Variants in MEX3D observed in about 807,000 individuals in gnomAD.
MEX3D encodes the protein RNA-binding protein MEX3D.
MEX3D carries 4 observed loss-of-function variants against 6.3 expected under a neutral mutation model. That is an observed-to-expected ratio of 0.64 (90% confidence interval 0.31 to 1.46). The LOEUF is 1.46. Among genes scored for constraint, MEX3D ranks in the 40% most tolerant of loss-of-function variants. MEX3D has a pLI of 0.07. For missense variants in MEX3D, 1,038 were observed against 994.4 expected, an observed-to-expected ratio of 1.04 and a Z score of -0.59; for synonymous variants, 626 against 494.1, an observed-to-expected ratio of 1.27 and a Z score of -3.54.
chr19:1,556,141 G>A lies in MEX3D; in HGVS notation c.1378C>T (p.Leu460=), dbSNP rs1568263839. Residue 460 remains leucine, a synonymous_variant, in exon 2 of 2, where the codon CTG becomes TTG. Transcript: ENST00000402693. This position sits in a 1 kb window ranked among gnomAD's most constrained non-coding sequence, Gnocchi z 7.5. The stretch of plus-strand genomic sequence containing the variant: ...GCGGGCACGGTCAGGTCCAGCGCCA[G>A]GAAGTCGAAGTCGAAGCCGAAGTCG... ...DCDFGFDFDF[L]ALDLTVPAAA... is the part of the protein sequence containing the mutation. The A allele has an allele frequency of 4.1e-6, 6 of 1,475,124 alleles. No homozygotes were observed. Among genetic ancestry groups the A allele is most frequent in the African/African-American group, 1.5e-5 (1 of 67,556 alleles). The allele number at this position is 1,475,124 out of a possible 1,614,324, so 91.4% of individuals were successfully genotyped here.
rs1156801048 is a variant in MEX3D, at chr19:1,564,354, G to A, written c.595+3110C>T. On this transcript the variant is annotated intron_variant, in intron 1 of 1. Transcript: ENST00000402693. ...GTGAGACCAGCCTGGCCAACATGGC[G>A]AAACCCCGTCTCTACTGAAAATACA... Among the ~76,000 whole-genome samples, 5 of 150,984 alleles carry A rather than the reference G, an allele frequency of 3.3e-5. No individual in the cohort carries two copies. In the East Asian group the frequency reaches 6.0e-4, roughly 18 times the overall value.
rs764095002 is a variant in MEX3D, at chr19:1,555,653, C to T, written c.1866G>A (p.Met622Ile). Reference protein sequence around the residue: ...LVPCGHNLFCMDCAVRICGKS... With the variant: ...LVPCGHNLFCIDCAVRICGKS... ...TGCCGCAGATGCGGACGGCGCAGTC[C>T]ATGCAGAAGAGGTTGTGGCCGCAGG... The change falls in exon 2 of 2, where the codon ATG becomes ATA. Residue 622 changes from methionine (M) to isoleucine (I), a missense_variant. Transcript: ENST00000402693. 12 of 1,587,220 alleles carry T rather than the reference C, an allele frequency of 7.6e-6. No homozygotes were observed. The East Asian group carries it at 2.5e-4, about 34-fold the overall frequency.
rs1333723400 is a variant in MEX3D, at chr19:1,554,771, T to A, written c.*792A>T. The A allele has an allele frequency of 6.6e-6, 1 of 152,430 alleles. No individual in the cohort carries two copies. Among genetic ancestry groups the A allele is most frequent in the African/African-American group, 2.4e-5 (1 of 41,446 alleles). 9.4% of individuals were successfully genotyped at this position (152,430 alleles called of 1,614,324 possible). A position where few individuals can be genotyped will look rare whatever the true frequency, so the allele number is the denominator to read the frequency against. On this transcript the variant is annotated 3_prime_UTR_variant, in exon 2 of 2. Transcript: ENST00000402693. Reference sequence around the variant, plus strand: ...CCCTTAAATCAGCTCAGCAAATATATAATCAGTAATTTAGCTGTGTAAGAT... The same window carrying A: ...CCCTTAAATCAGCTCAGCAAATATAAAATCAGTAATTTAGCTGTGTAAGAT...
rs1050760205 is a variant in MEX3D at position 1,554,859 on chromosome 19, G to C, written c.*704C>G. The C allele has an allele frequency of 6.9e-6, 1 of 145,946 alleles. No individual in the cohort carries two copies. The highest frequency in any genetic ancestry group is 1.5e-5 in the Non-Finnish European group (1 of 67,128). 9.0% of individuals were successfully genotyped at this position (145,946 alleles called of 1,614,324 possible). On this transcript the variant is annotated 3_prime_UTR_variant, in exon 2 of 2. Coordinates refer to ENST00000402693, the MANE Select transcript of MEX3D (RefSeq NM_203304.4). ...TAGTTCTTAAAATTTATTCCATAAAGTACATATTTCCCTATAAATTCCCTA... is the reference window on the plus strand; with the variant it reads ...TAGTTCTTAAAATTTATTCCATAAACTACATATTTCCCTATAAATTCCCTA...
Position 1,568,209 on chromosome 19 carries a change from C to G in MEX3D, c.-151G>C, listed in dbSNP as rs1351300017. The stretch of plus-strand genomic sequence containing the variant: ...GGCCGGGCGGGCGGGGCGGCGGCGG[C>G]GCGGGGCTGCTCGGGGCCGGGCCGG... On this transcript the variant is annotated 5_prime_UTR_variant, in exon 1 of 2. Transcript: ENST00000402693. Among the ~76,000 whole-genome samples, 3 of 138,514 alleles carry G rather than the reference C, an allele frequency of 2.2e-5. No homozygotes were observed. The highest frequency in any genetic ancestry group is 7.8e-5 in the African/African-American group (3 of 38,518). 90.9% of individuals were successfully genotyped at this position (138,514 alleles called of 152,430 possible). A position where few individuals can be genotyped will look rare whatever the true frequency, so the allele number is the denominator to read the frequency against.
Position 1,567,357 on chromosome 19 carries a change from G to A in MEX3D, c.595+107C>T, listed in dbSNP as rs1047836645. 1.3e-5 allele frequency: 17 copies of A among 1,265,242 alleles called. No individual in the cohort carries two copies. In the East Asian group the frequency reaches 2.2e-4, roughly 17 times the overall value. 78.4% of individuals were successfully genotyped at this position (1,265,242 alleles called of 1,614,324 possible). A position where few individuals can be genotyped will look rare whatever the true frequency, so the allele number is the denominator to read the frequency against. On this transcript the variant is annotated intron_variant, in intron 1 of 1. Transcript: ENST00000402693. The surrounding 1 kb of genome is among the most constrained non-coding windows in gnomAD (Gnocchi z 6.5). ...GCCGGAGCCCACGCGGGGCGTGTCCGGTGCGGGGCGTCCGGCGCGGGCTGG... is the reference window on the plus strand; with the variant it reads ...GCCGGAGCCCACGCGGGGCGTGTCCAGTGCGGGGCGTCCGGCGCGGGCTGG...
intron 1 of MEX3D, among the ~76,000 whole-genome samples, chr19:1,563,121 A>ATCTG (rs1055484003): frequency 3.3e-5 from 5 of 152,350 alleles, no homozygotes; most frequent in African/African-American, 1.2e-4. Flanking sequence ...TTCCTAGCAG[A>ATCTG]GCCTTTCTTC....
chr19:1,565,547 T>TAAATA (rs1378745370), intron 1 of MEX3D, among the ~76,000 whole-genome samples: 7 of 152,164 alleles, frequency 4.6e-5, no homozygotes, highest in Admixed American at 1.3e-4. Flanking sequence ...GTCTCATAAA[T>TAAATA]AAATAAATAA....
At chr19:1,560,567 G>T (rs1914692486) in intron 1 of MEX3D, among the ~76,000 whole-genome samples, 1 of 152,240 alleles carries the variant, frequency 6.6e-6, no homozygotes, top group Non-Finnish European at 1.5e-5. Flanking sequence ...AGAAAGTCTG[G>T]TCTGGGTGAG....
chr19:1,556,053 G>C lies in MEX3D; in HGVS notation c.1466C>G (p.Ser489Cys), dbSNP rs1914537641. 1 of 1,373,492 alleles carries C rather than the reference G, an allele frequency of 7.3e-7. No homozygotes were observed. The highest frequency in any genetic ancestry group is 3.2e-5 in the Admixed American group (1 of 31,106). The allele number at this position is 1,373,492 out of a possible 1,614,324, so 85.1% of individuals were successfully genotyped here. A position where few individuals can be genotyped will look rare whatever the true frequency, so the allele number is the denominator to read the frequency against. ...AAPLPAFSGC[S>C]TVNGAPGPPA... ...AGGTCCCGGGGCTCCGTTGACCGTG[G>C]AGCAGCCGCTGAAGGCGGGCAAGGG... Residue 489 changes from serine to cysteine, a missense_variant, in exon 2 of 2, where the codon TCC (serine) becomes TGC (cysteine). By Grantham distance (112) the Ser-to-Cys change is moderately radical (BLOSUM62 -1). Around this residue, in one of 5 missense-constraint regions of MEX3D, gnomAD observed 581 missense variants for 516.2 expected, o/e 1.13. Coordinates refer to ENST00000402693, the MANE Select transcript of MEX3D (RefSeq NM_203304.4). The surrounding 1 kb of genome is among the most constrained non-coding windows in gnomAD (Gnocchi z 7.5).
In MEX3D at chr19:1,554,933, A is replaced by C. The variant is rs1176478785; in HGVS notation, c.*630T>G. ...AAAAGTAAAAAAAAAAAAAAATTAA[A>C]AAAATTTTAAAAATGACAACAGAAA... is the stretch of plus-strand genomic sequence containing the variant. On this transcript the variant is annotated 3_prime_UTR_variant, in exon 2 of 2. Transcript: ENST00000402693. 1 of 151,500 alleles carries C rather than the reference A, an allele frequency of 6.6e-6. No homozygotes were observed. Among genetic ancestry groups the C allele is most frequent in the Non-Finnish European group, 1.5e-5 (1 of 67,906 alleles). The allele number at this position is 151,500 out of a possible 1,614,324, so 9.4% of individuals were successfully genotyped here.
rs932959973 is a variant in MEX3D, at chr19:1,567,352, T to A, written c.595+112A>T. On this transcript the variant is annotated intron_variant, in intron 1 of 1. Coordinates refer to ENST00000402693, the MANE Select transcript of MEX3D (RefSeq NM_203304.4). This position sits in a 1 kb window ranked among gnomAD's most constrained non-coding sequence, Gnocchi z 6.5. Reference sequence around the variant, plus strand: ...CCGAGGCCGGAGCCCACGCGGGGCGTGTCCGGTGCGGGGCGTCCGGCGCGG... The same window carrying A: ...CCGAGGCCGGAGCCCACGCGGGGCGAGTCCGGTGCGGGGCGTCCGGCGCGG... 1 of 1,221,816 alleles carries A rather than the reference T, an allele frequency of 8.2e-7. No homozygotes were observed. The highest frequency in any genetic ancestry group is 1.6e-5 in the African/African-American group (1 of 62,316). The allele number at this position is 1,221,816 out of a possible 1,614,324, so 75.7% of individuals were successfully genotyped here. A position where few individuals can be genotyped will look rare whatever the true frequency, so the allele number is the denominator to read the frequency against.
At chr19:1,561,098 C>T (rs1914706082) in intron 1 of MEX3D, among the ~76,000 whole-genome samples, 1 of 152,204 alleles carries the variant, frequency 6.6e-6, no homozygotes, top group African/African-American at 2.4e-5. Context: ...TGACCTGTCC[C>T]ACACCCCCAA....
At chr19:1,564,404 G>A (rs982823802) in intron 1 of MEX3D, among the ~76,000 whole-genome samples, 1 of 152,042 alleles carries the variant, frequency 6.6e-6, no homozygotes, top group Non-Finnish European at 1.5e-5. Context: ...ATAGTGGCAC[G>A]TGCCTGTAAT....
In MEX3D at chr19:1,555,556, C is replaced by T; in HGVS notation, c.*7G>A. On this transcript the variant is annotated 3_prime_UTR_variant, in exon 2 of 2. Transcript: ENST00000402693. ...CAGATGGCCCCGGCCACGTGGTGGT[C>T]CGCGCTCTAGGAAAAGATATGAATG... 1.3e-6 allele frequency: 2 copies of T among 1,563,784 alleles called. No homozygotes were observed. The highest frequency in any genetic ancestry group is 1.7e-6 in the Non-Finnish European group (2 of 1,157,186).
Position 1,567,546 on chromosome 19 carries a change from G to A in MEX3D, c.513C>T (p.Gly171=). ...TCATGTTGACGCTTTTCTTGCGGCTGCCGATCACGCTCATCTGGTCGGCCA... is the reference window on the plus strand; with the variant it reads ...TCATGTTGACGCTTTTCTTGCGGCTACCGATCACGCTCATCTGGTCGGCCA... ...TLLADQMSVI[G]SRKKSVNMTE... is the part of the protein sequence containing the mutation. The change falls in exon 1 of 2, where the codon GGC becomes GGT. Residue 171 remains glycine (G), a synonymous_variant. Transcript: ENST00000402693. The surrounding 1 kb of genome is among the most constrained non-coding windows in gnomAD (Gnocchi z 6.5). 2.6e-6 allele frequency: 4 copies of A among 1,554,794 alleles called. No homozygotes were observed. Among genetic ancestry groups the A allele is most frequent in the Non-Finnish European group, 3.5e-6 (4 of 1,153,222 alleles).
Position 1,556,419 on chromosome 19 carries a change from C to G in MEX3D, c.1100G>C (p.Gly367Ala). 1 of 1,586,402 alleles carries G rather than the reference C, an allele frequency of 6.3e-7. No individual in the cohort carries two copies. The highest frequency in any genetic ancestry group is 8.5e-7 in the Non-Finnish European group (1 of 1,172,518). The change falls in exon 2 of 2, where the codon GGG (glycine) becomes GCG (alanine). Residue 367 changes from glycine to alanine, a missense_variant. This residue lies in a region of MEX3D where 581 missense variants were observed against 516.2 expected (regional missense o/e 1.13). Transcript: ENST00000402693. This position sits in a 1 kb window ranked among gnomAD's most constrained non-coding sequence, Gnocchi z 7.5. Reference sequence around the variant, plus strand: ...CTTGGCCCAGAGGCTGGCGGCCGCCCCGAGCAGGTCCAGGCAGACGTCGGT... The same window carrying G: ...CTTGGCCCAGAGGCTGGCGGCCGCCGCGAGCAGGTCCAGGCAGACGTCGGT... ...NGTDVCLDLLGAAASLWAKTP... is the reference protein window; with the variant it reads ...NGTDVCLDLLAAAASLWAKTP...
chr19:1,563,312 A>G (rs1186971572), intron 1 of MEX3D, among the ~76,000 whole-genome samples: 1 of 152,210 alleles, frequency 6.6e-6, no homozygotes, highest in Non-Finnish European at 1.5e-5. Context: ...GGTCGCCCCC[A>G]GCTGAGGGGA....
chr19:1,555,445 C>T lies in MEX3D; in HGVS notation c.*118G>A. On this transcript the variant is annotated 3_prime_UTR_variant, in exon 2 of 2. Transcript: ENST00000402693. ...CACTGGCCGCCGCCCACCCCCCTGC[C>T]CCCTCGGCCTCCGCCCCTCGCCCCC... is the stretch of plus-strand genomic sequence containing the variant. 6.9e-7 allele frequency: 1 copy of T among 1,458,078 alleles called. No individual in the cohort carries two copies. Among genetic ancestry groups the T allele is most frequent in the East Asian group, 3.0e-5 (1 of 33,580 alleles). The allele number at this position is 1,458,078 out of a possible 1,614,324, so 90.3% of individuals were successfully genotyped here.
Sources: gnomAD v4.1 joint callset for allele counts (sites outside exome capture counted in the v4.1 genomes callset) on GRCh38, gnomAD v4.1.1 for gene constraint, gnomAD v4.1.1 regional missense constraint, Gnocchi (gnomAD v3.1) non-coding constraint, MANE v1.5 for transcripts, NCBI Gene and HGNC (gene_info 2026-07-23, HGNC 2026-07-21) for gene names.